Variants in MGST1 observed in about 807,000 individuals in gnomAD.
MGST1 encodes microsomal glutathione S-transferase 1.
MGST1 carries 5 observed loss-of-function variants against 8.9 expected under a neutral mutation model. The observed-to-expected ratio is 0.56, with a 90% confidence interval of 0.29 to 1.19. The LOEUF (loss-of-function observed/expected upper bound fraction) is 1.19, where lower values mean the gene tolerates loss of function less well. Ranked by LOEUF, MGST1 falls within the 50% of genes most tolerant of loss-of-function variation. The pLI, the probability that MGST1 is intolerant of heterozygous loss-of-function variation, is 0.08. For missense variants in MGST1, 182 were observed against 187.4 expected, an observed-to-expected ratio of 0.97 and a Z score of 0.17; for synonymous variants, 54 against 67.8, an observed-to-expected ratio of 0.80 and a Z score of 1.00.
chr12:16,564,298 T>C (rs1942513097), intron 4 of MGST1, among the ~76,000 whole-genome samples: 1 of 152,174 alleles, frequency 6.6e-6, no homozygotes, highest in African/African-American at 2.4e-5. Flanking sequence ...TGTGTATGGG[T>C]GGCATTGCAA....
intron 1 of MGST1, among the ~76,000 whole-genome samples, chr12:16,405,394 T>A (rs1291780885): frequency 6.6e-6 from 1 of 151,814 alleles, no homozygotes. Context: ...TAACAGATAA[T>A]AATGAGCTCC....
downstream of MGST1, among the ~76,000 whole-genome samples, chr12:16,591,938 A>G (rs2137629503): frequency 6.6e-6 from 1 of 152,032 alleles, no homozygotes; most frequent in African/African-American, 2.4e-5. The surrounding 1 kb of genome is among the most constrained non-coding windows in gnomAD (Gnocchi z 4.1). Context: ...GTTCCATGGG[A>G]CTTAATTGGA....
At chr12:16,498,480 T>A (rs576467846) in intron 4 of MGST1, among the ~76,000 whole-genome samples, 2 of 152,302 alleles carry the variant, frequency 1.3e-5, no homozygotes, top group African/African-American at 4.8e-5. Context: ...GTCCAGGCCA[T>A]GTTCCTACGT....
Position 16,589,565 on chromosome 12 carries a change from G to C in MGST1, n.520G>C, listed in dbSNP as rs1471745498. 3.3e-5 allele frequency: 5 copies of C among 152,038 alleles called. No individual in the cohort carries two copies. The highest frequency in any genetic ancestry group is 3.3e-4 in the Admixed American group (5 of 15,258). The allele number at this position is 152,038 out of a possible 1,614,324, so 9.4% of individuals were successfully genotyped here. On this transcript the variant is annotated non_coding_transcript_exon_variant, in exon 5 of 5. Transcript: ENST00000538857. The surrounding 1 kb of genome is among the most constrained non-coding windows in gnomAD (Gnocchi z 4.2). The stretch of plus-strand genomic sequence containing the variant: ...GTCAAGAGCTAACCAAGAAGACAAG[G>C]AATGTAACATATTTAATCAAATAAG...
At chr12:16,538,634 A>G in intron 4 of MGST1, among the ~76,000 whole-genome samples, 1 of 138,776 alleles carries the variant, frequency 7.2e-6, no homozygotes. Flanking sequence ...TTTGAGACAG[A>G]GTCTCGCTCT....
In MGST1 at chr12:16,513,970, G is replaced by A; in HGVS notation, n.483-75558G>A. ...TTTTGACTTCACAGACACTGTGGAG[G>A]ACATTTCAAAAACACCAGAGCAAAG... On this transcript the variant is annotated intron_variant and non_coding_transcript_variant, in intron 4 of 4. Transcript: ENST00000538857. The surrounding 1 kb of genome is among the most constrained non-coding windows in gnomAD (Gnocchi z 4.2). 4.1e-6 allele frequency: 2 copies of A among 485,126 alleles called. No individual in the cohort carries two copies. The highest frequency in any genetic ancestry group is 8.0e-6 in the Non-Finnish European group (2 of 248,882). The allele number at this position is 485,126 out of a possible 1,614,324, so 30.1% of individuals were successfully genotyped here.
At chr12:16,502,323 T>C (rs1015085081) in intron 4 of MGST1, among the ~76,000 whole-genome samples, 2 of 152,172 alleles carry the variant, frequency 1.3e-5, no homozygotes, top group Non-Finnish European at 2.9e-5. Context: ...TGGCTCTTAA[T>C]CCAATTTGAA....
chr12:16,393,768 C>G (rs893140779), intron 1 of MGST1, among the ~76,000 whole-genome samples: 3 of 152,150 alleles, frequency 2.0e-5, no homozygotes, highest in African/African-American at 7.2e-5. Flanking sequence ...CCAGAGGTAT[C>G]TGCTACACTT....
At chr12:16,448,148 A>G (rs969111969) in intron 4 of MGST1, among the ~76,000 whole-genome samples, 1 of 151,966 alleles carries the variant, frequency 6.6e-6, no homozygotes, top group Admixed American at 6.6e-5. Flanking sequence ...TATTGAAAGG[A>G]CAATGAGTAC....
At position 16,371,063 on chromosome 12, in the gene MGST1, T is replaced by C. The variant is rs574617948; in HGVS notation, c.222-5059T>C. Among the ~76,000 whole-genome samples, 8 of 152,286 alleles carry C rather than the reference T, an allele frequency of 5.3e-5. No individual in the cohort carries two copies. In the South Asian group the frequency reaches 1.7e-3, roughly 32 times the overall value. Reference sequence around the variant, plus strand: ...CAATAAATGCATTGAATTACCTCCATTTAATAATTTTCTTCTATTAATTCT... The same window carrying C: ...CAATAAATGCATTGAATTACCTCCACTTAATAATTTTCTTCTATTAATTCT... On this transcript the variant is annotated intron_variant, in intron 3 of 3. Transcript: ENST00000535309.
chr12:16,409,464 TG>T (rs1320055308), intron 1 of MGST1, among the ~76,000 whole-genome samples: 1 of 152,076 alleles, frequency 6.6e-6, no homozygotes, highest in African/African-American at 2.4e-5. Flanking sequence ...GTGCATGCAG[TG>T]GGATTGTACC....
rs1007231541 is a variant in MGST1 at position 16,586,757 on chromosome 12, C to A, written n.483-2771C>A. On this transcript the variant is annotated intron_variant and non_coding_transcript_variant, in intron 4 of 4. Transcript: ENST00000538857. The surrounding 1 kb of genome is among the most constrained non-coding windows in gnomAD (Gnocchi z 4.3). ...TTTCTCTGGTACTTGAGCTAAGCTC[C>A]TGTGGCTCAGATTATTTATTGCATT... 2.0e-5 allele frequency among the ~76,000 whole-genome samples: 3 copies of A among 152,308 alleles called. No individual in the cohort carries two copies. The highest frequency in any genetic ancestry group is 4.4e-5 in the Non-Finnish European group (3 of 68,038).
chr12:16,507,888 C>G (rs1477522898), intron 4 of MGST1, among the ~76,000 whole-genome samples: 1 of 152,062 alleles, frequency 6.6e-6, no homozygotes, highest in Non-Finnish European at 1.5e-5. Flanking sequence ...CAGAGCCAAA[C>G]CATATCAAGG....
chr12:16,398,116 T>G (rs1940621713), intron 1 of MGST1, among the ~76,000 whole-genome samples: 1 of 151,852 alleles, frequency 6.6e-6, no homozygotes. Flanking sequence ...TCCCACAGTT[T>G]ATTCATCTTT....
At chr12:16,409,326 A>G (rs1391639549) in intron 1 of MGST1, among the ~76,000 whole-genome samples, 1 of 152,020 alleles carries the variant, frequency 6.6e-6, no homozygotes, top group Non-Finnish European at 1.5e-5. Flanking sequence ...ATATCCACAC[A>G]CACACCTATA....
intron 4 of MGST1, among the ~76,000 whole-genome samples, chr12:16,581,723 C>CT (rs971435953): frequency 2.6e-5 from 4 of 151,738 alleles, no homozygotes; most frequent in African/African-American, 4.8e-5. Flanking sequence ...AAATAGAGGA[C>CT]TTTTTTTTCA....
At chr12:16,386,385 C>G (rs7973665) in intron 1 of MGST1, among the ~76,000 whole-genome samples, 62,081 of 151,666 alleles carry the variant, frequency 0.41, 13,355 homozygotes, top group East Asian at 0.56. Context: ...CAACTTAGCC[C>G]TAGCACATGG....
chr12:16,361,252 G>A lies in MGST1; in HGVS notation c.222-2543G>A, dbSNP rs1351832294. 6.6e-6 allele frequency among the ~76,000 whole-genome samples: 1 copy of A among 152,140 alleles called. No homozygotes were observed. Among genetic ancestry groups the A allele is most frequent in the African/African-American group, 2.4e-5 (1 of 41,436 alleles). On this transcript the variant is annotated intron_variant, in intron 3 of 3. Transcript: ENST00000396210. The surrounding 1 kb of genome is among the most constrained non-coding windows in gnomAD (Gnocchi z 4.2). ...CTGCTGTGCAGCTCCTTTTGTAGTT[G>A]TTCACAGCCTGACAATCCCCAGAAG...
At chr12:16,553,177 A>G (rs539773320) in intron 4 of MGST1, among the ~76,000 whole-genome samples, 33 of 152,262 alleles carry the variant, frequency 2.2e-4, no homozygotes, top group African/African-American at 7.9e-4. Flanking sequence ...AAGCATTGTC[A>G]TGGCTTTTTA....
Sources: gnomAD v4.1 joint callset for allele counts (sites outside exome capture counted in the v4.1 genomes callset) on GRCh38, gnomAD v4.1.1 for gene constraint, Gnocchi (gnomAD v3.1) non-coding constraint, MANE v1.5 for transcripts, NCBI Gene and HGNC (gene_info 2026-07-23, HGNC 2026-07-21) for gene names.